Variants in SH3D19 observed in about 807,000 individuals in gnomAD.
SH3D19 encodes the protein SH3 domain-containing protein 19.
A neutral mutation model predicts 112.1 loss-of-function variants in SH3D19; 58 were observed. The ratio of observed to expected loss-of-function variants is 0.52; its 90% CI spans 0.42 to 0.64. SH3D19 has a LOEUF of 0.64. SH3D19 is among the 30% of genes least tolerant of loss of function. SH3D19 has a pLI of 0.00. For missense variants in SH3D19, 1,090 were observed against 1,263.4 expected, an observed-to-expected ratio of 0.86 and a Z score of 2.08; for synonymous variants, 391 against 448.5, an observed-to-expected ratio of 0.87 and a Z score of 1.62.
At chr4:151,208,817 A>T (rs1352031781) in intron 2 of SH3D19, among the ~76,000 whole-genome samples, 3 of 151,868 alleles carry the variant, frequency 2.0e-5, no homozygotes, top group Admixed American at 6.6e-5. Context: ...AGCTGGGACT[A>T]CAGGCGCCCA....
intron 14 of SH3D19, 43 bp downstream of exon 14, chr4:151,137,689 C>T: frequency 6.7e-7 from 1 of 1,502,198 alleles, no homozygotes. Flanking sequence ...ACATAGAACC[C>T]ACTGAGTATA....
intron 13 of SH3D19, among the ~76,000 whole-genome samples, chr4:151,138,417 C>T (rs1349043048): frequency 2.0e-5 from 3 of 151,836 alleles, no homozygotes; most frequent in Non-Finnish European, 4.4e-5. Flanking sequence ...TTATATTGTG[C>T]GTGGGCATGG....
chr4:151,154,079 A>G (rs928942482), intron 9 of SH3D19, among the ~76,000 whole-genome samples: 16 of 150,988 alleles, frequency 1.1e-4, no homozygotes, highest in South Asian at 2.1e-4. Context: ...CTCCTGCCTC[A>G]GCCTCCCAAG....
intron 2 of SH3D19, among the ~76,000 whole-genome samples, chr4:151,224,360 A>C (rs1055393511): frequency 6.6e-6 from 1 of 152,220 alleles, no homozygotes; most frequent in Non-Finnish European, 1.5e-5. Flanking sequence ...CCTGAACATT[A>C]AACTTCTTTC....
intron 1 of SH3D19, among the ~76,000 whole-genome samples, chr4:151,302,571 A>G (rs1045870788): frequency 6.6e-6 from 1 of 152,186 alleles, no homozygotes; most frequent in Non-Finnish European, 1.5e-5. Flanking sequence ...TTAGGCTTGC[A>G]GACCACGTGG....
chr4:151,152,977 A>T (rs1755356501), intron 9 of SH3D19, among the ~76,000 whole-genome samples: 1 of 151,782 alleles, frequency 6.6e-6, no homozygotes, highest in Admixed American at 6.6e-5. Context: ...CTGGGATTAC[A>T]GGCACGTGCC....
chr4:151,212,327 T>C (rs1214645537), intron 2 of SH3D19, among the ~76,000 whole-genome samples: 1 of 152,102 alleles, frequency 6.6e-6, no homozygotes. Context: ...TTATTTTTTG[T>C]AGAGACAGGG....
At chr4:151,306,226 T>G (rs1454353497) in intron 1 of SH3D19, among the ~76,000 whole-genome samples, 1 of 152,186 alleles carries the variant, frequency 6.6e-6, no homozygotes, top group Non-Finnish European at 1.5e-5. Flanking sequence ...AAACTACATG[T>G]GTAATAAAAT....
chr4:151,300,032 T>G (rs1728219704), intron 1 of SH3D19, among the ~76,000 whole-genome samples: 1 of 152,058 alleles, frequency 6.6e-6, no homozygotes, highest in African/African-American at 2.4e-5. Context: ...AGAAACCCCA[T>G]GTCTACTAAA....
chr4:151,125,535 AAAG>A (rs1366404560), intron 19 of SH3D19, among the ~76,000 whole-genome samples: 1 of 150,658 alleles, frequency 6.6e-6, no homozygotes, highest in East Asian at 1.9e-4. Context: ...GAAGGAAAGG[AAAG>A]AAGGGAAAGA....
Position 151,325,288 on chromosome 4 carries a change from C to T in SH3D19, c.65G>A (p.Gly22Asp), listed in dbSNP as rs899942676. ...EELRERRELG[G>D]QRRARGRALS... Reference sequence around the variant, plus strand: ...CGCACGGCCCCGGGCGCGGCGCTGGCCACCAAGTTCGCGGCGCTCGCGTAG... The same window carrying T: ...CGCACGGCCCCGGGCGCGGCGCTGGTCACCAAGTTCGCGGCGCTCGCGTAG... The change falls in exon 1 of 20, where the codon GGC becomes GAC. Residue 22 changes from glycine to aspartate, a missense_variant. Transcript: ENST00000604030. 5 of 1,221,042 alleles carry T rather than the reference C, an allele frequency of 4.1e-6. No individual in the cohort carries two copies. In the Admixed American group the frequency reaches 1.3e-4, roughly 31 times the overall value. The allele number at this position is 1,221,042 out of a possible 1,614,324, so 75.6% of individuals were successfully genotyped here. A position where few individuals can be genotyped will look rare whatever the true frequency, so the allele number is the denominator to read the frequency against.
chr4:151,284,641 G>A (rs1283476618), intron 1 of SH3D19, among the ~76,000 whole-genome samples: 1 of 152,138 alleles, frequency 6.6e-6, no homozygotes, highest in Non-Finnish European at 1.5e-5. Context: ...ACGTTTTCCT[G>A]TTGTTTTGTT....
At chr4:151,298,589 T>G (rs1471927761) in intron 1 of SH3D19, among the ~76,000 whole-genome samples, 1 of 152,170 alleles carries the variant, frequency 6.6e-6, no homozygotes. Flanking sequence ...GAAGTAAAGA[T>G]GCTGAATAGG....
intron 3 of SH3D19, among the ~76,000 whole-genome samples, chr4:151,185,050 T>G (rs1322105837): frequency 1.3e-5 from 2 of 149,250 alleles, no homozygotes; most frequent in African/African-American, 2.5e-5. Flanking sequence ...GTTTTTTTTT[T>G]TTTTTTTTTT....
chr4:151,235,415 A>G (rs1769964118), intron 1 of SH3D19, among the ~76,000 whole-genome samples: 2 of 152,126 alleles, frequency 1.3e-5, no homozygotes, highest in Non-Finnish European at 2.9e-5. Context: ...AATTACAATA[A>G]CCTCTCAAAA....
chr4:151,122,544 TTTA>T (rs1376334855), intron 19 of SH3D19, among the ~76,000 whole-genome samples: 1 of 121,474 alleles, frequency 8.2e-6, no homozygotes, highest in Non-Finnish European at 1.9e-5. Flanking sequence ...CACACGATTA[TTTA>T]TTGAGTACCC....
intron 1 of SH3D19, among the ~76,000 whole-genome samples, chr4:151,269,245 A>G (rs566775893): frequency 1.8e-4 from 27 of 152,264 alleles, no homozygotes; most frequent in African/African-American, 6.3e-4. Flanking sequence ...TCTTCTTTTG[A>G]AAAGTGTCTG....
chr4:151,289,422 T>C (rs1379144449), intron 1 of SH3D19, among the ~76,000 whole-genome samples: 1 of 152,108 alleles, frequency 6.6e-6, no homozygotes, highest in Admixed American at 6.5e-5. Flanking sequence ...ATGGACACCA[T>C]CAACAAAGTA....
intron 15 of SH3D19, among the ~76,000 whole-genome samples, chr4:151,134,698 G>A (rs1000515993): frequency 2.6e-5 from 4 of 152,138 alleles, no homozygotes; most frequent in Non-Finnish European, 5.9e-5. Flanking sequence ...CACTGATGTT[G>A]GAGAGTTGCT....
Sources: allele counts gnomAD v4.1 joint callset (sites outside exome capture counted in the v4.1 genomes callset), GRCh38; gene constraint gnomAD v4.1.1; transcripts MANE v1.5; gene names NCBI Gene and HGNC (gene_info 2026-07-23, HGNC 2026-07-21).